TM2D1: variants seen among roughly 807,000 people sequenced by gnomAD.
The protein encoded by TM2D1 is TM2 domain containing 1.
TM2D1 carries 15 observed loss-of-function variants against 28.4 expected under a neutral mutation model. That is an observed-to-expected ratio of 0.53 (90% CI 0.35 to 0.81). TM2D1 has a LOEUF of 0.81. Among genes scored for constraint, TM2D1 ranks in the 40% least tolerant of loss-of-function variants. The probability of loss-of-function intolerance (pLI) is 0.01; values close to 1 mark genes in which losing one functional copy is unlikely to be tolerated. For synonymous variants in TM2D1, 93 were observed against 96.2 expected (o/e 0.97, Z 0.20); for missense variants, 236 against 254.9 (o/e 0.93, Z 0.50).
chr1:61,710,471 T>TAC (rs1322613885), intron 2 of TM2D1, among the ~76,000 whole-genome samples: 4 of 85,892 alleles, frequency 4.7e-5, no homozygotes, highest in East Asian at 2.9e-4. Flanking sequence ...TACATATATA[T>TAC]ATATACACAC....
chr1:61,716,156 A>G (rs943591360), intron 2 of TM2D1, among the ~76,000 whole-genome samples: 4 of 151,232 alleles, frequency 2.6e-5, no homozygotes, highest in Non-Finnish European at 5.9e-5. Context: ...CTCTGTCTCT[A>G]AAGAAAAAAA....
At chr1:61,709,290 C>A in intron 3 of TM2D1, 39 bp downstream of exon 3, 1 of 1,248,492 alleles carries the variant, frequency 8.0e-7, no homozygotes, top group Non-Finnish European at 1.2e-6. Flanking sequence ...ATAATATAGG[C>A]AAGTAATCTG....
intron 3 of TM2D1, among the ~76,000 whole-genome samples, chr1:61,701,795 T>C (rs1376670765): frequency 1.3e-5 from 2 of 151,960 alleles, no homozygotes; most frequent in Non-Finnish European, 2.9e-5. Context: ...TGAAATCTAA[T>C]GGGCAGTAAC....
At chr1:61,704,979 C>A (rs931583345) in intron 3 of TM2D1, among the ~76,000 whole-genome samples, 1 of 152,126 alleles carries the variant, frequency 6.6e-6, no homozygotes, top group East Asian at 1.9e-4. Context: ...GTAAACACTC[C>A]TTTGATATAT....
chr1:61,703,482 G>A (rs1406802714), intron 3 of TM2D1, among the ~76,000 whole-genome samples: 1 of 143,928 alleles, frequency 6.9e-6, no homozygotes, highest in African/African-American at 2.5e-5. Context: ...GCACGATCTC[G>A]GCTTATTGCA....
At chr1:61,703,033 G>C (rs2148050586) in intron 3 of TM2D1, among the ~76,000 whole-genome samples, 1 of 151,584 alleles carries the variant, frequency 6.6e-6, no homozygotes, top group Middle Eastern at 3.4e-3. Flanking sequence ...TTGAACCTGG[G>C]AAGCGGAGGT....
intron 4 of TM2D1, among the ~76,000 whole-genome samples, chr1:61,695,223 C>T (rs1246934751): frequency 1.3e-5 from 2 of 151,968 alleles, no homozygotes; most frequent in African/African-American, 4.8e-5. Flanking sequence ...GGAAAAAACA[C>T]TGCTCTTGTT....
chr1:61,704,491 G>A (rs1644426937), intron 3 of TM2D1, among the ~76,000 whole-genome samples: 1 of 151,992 alleles, frequency 6.6e-6, no homozygotes, highest in Admixed American at 6.6e-5. Context: ...GAGCGCAATG[G>A]CACAATGTCG....
chr1:61,706,535 G>A (rs1286532581), intron 3 of TM2D1, among the ~76,000 whole-genome samples: 4 of 151,620 alleles, frequency 2.6e-5, no homozygotes, highest in African/African-American at 7.3e-5. Flanking sequence ...TAGACCAGGC[G>A]CGGTGGCTCA....
intron 5 of TM2D1, among the ~76,000 whole-genome samples, chr1:61,686,004 C>T (rs528835956): frequency 6.6e-6 from 1 of 152,018 alleles, no homozygotes; most frequent in African/African-American, 2.4e-5. Context: ...CAAAATGCAA[C>T]CCTATTTAAA....
chr1:61,710,623 A>G (rs1347237354), intron 2 of TM2D1, among the ~76,000 whole-genome samples: 2 of 151,584 alleles, frequency 1.3e-5, no homozygotes, highest in Non-Finnish European at 2.9e-5. Flanking sequence ...ATAAATCAAC[A>G]TTTTAGACTG....
Position 61,724,937 on chromosome 1 carries a change from G to T in TM2D1, c.164+20C>A, listed in dbSNP as rs758971556. The T allele has an allele frequency of 5.1e-6, 8 of 1,569,214 alleles. No homozygotes were observed. The highest frequency in any genetic ancestry group is 2.3e-5 in the East Asian group (1 of 44,096). On this transcript the variant is annotated intron_variant, in intron 1 of 6. Coordinates refer to ENST00000606498, the MANE Select transcript of TM2D1 (RefSeq NM_032027.3). ...AACTCTACCTCGCCTCCATGGGGGG[G>T]TGTTCTCCACAGAGGATATTGTCCC...
intron 3 of TM2D1, 68 bp downstream of exon 3, chr1:61,709,261 C>A: frequency 1.1e-6 from 1 of 936,018 alleles, no homozygotes; most frequent in African/African-American, 1.7e-5. Context: ...ATTATCTCCT[C>A]TCTTCATGCA....
intron 3 of TM2D1, among the ~76,000 whole-genome samples, chr1:61,702,062 C>T (rs1282773717): frequency 3.9e-5 from 6 of 151,900 alleles, no homozygotes; most frequent in African/African-American, 1.5e-4. Flanking sequence ...TGGTGGCAGG[C>T]ACCTGTAATC....
intron 5 of TM2D1, among the ~76,000 whole-genome samples, chr1:61,690,956 A>C (rs1644319439): frequency 6.6e-6 from 1 of 152,116 alleles, no homozygotes; most frequent in South Asian, 2.1e-4. Flanking sequence ...AAGGAAATCC[A>C]CTCTGTCATA....
chr1:61,688,809 T>C (rs1390013962), intron 5 of TM2D1, among the ~76,000 whole-genome samples: 6 of 136,344 alleles, frequency 4.4e-5, no homozygotes, highest in East Asian at 2.2e-4. Flanking sequence ...CTGTGGGAGG[T>C]TGAGCCAGGC....
At chr1:61,694,614 C>G (rs1343389306) in intron 5 of TM2D1, 83 bp downstream of exon 5, 3 of 934,782 alleles carry the variant, frequency 3.2e-6, no homozygotes, top group Non-Finnish European at 4.9e-6. Flanking sequence ...TCCTCGTATA[C>G]TAAACATTTT....
rs777308891 is a variant in TM2D1 at position 61,725,087 on chromosome 1, G to C, written c.34C>G (p.Pro12Ala). Residue 12 changes from proline to alanine, a missense_variant, in exon 1 of 7, where the codon CCG becomes GCG. By Grantham distance (27) the Pro-to-Ala change is conservative. Transcript: ENST00000606498. The stretch of plus-strand genomic sequence containing the variant: ...ACGAGTCTGGCCGTCACGGCCTCCG[G>C]AGCAGACGGACCAGACGGCCAGGCG... Reference protein sequence around the residue: ...AAAWPSGPSAPEAVTARLVGV... With the variant: ...AAAWPSGPSAAEAVTARLVGV... The C allele has an allele frequency of 9.9e-6, 16 of 1,613,716 alleles. No homozygotes were observed. The East Asian group carries it at 2.9e-4, about 29-fold the overall frequency.
chr1:61,682,592 T>C (rs1434373133), intron 6 of TM2D1, among the ~76,000 whole-genome samples: 2 of 151,800 alleles, frequency 1.3e-5, no homozygotes, highest in Non-Finnish European at 2.9e-5. Flanking sequence ...CTTCAGCAGG[T>C]TTATCACTTA....
Sources: gnomAD v4.1 joint callset for allele counts (sites outside exome capture counted in the v4.1 genomes callset) on GRCh38, gnomAD v4.1.1 for gene constraint, MANE v1.5 for transcripts, NCBI Gene and HGNC (gene_info 2026-07-23, HGNC 2026-07-21) for gene names.